TRDN: variants seen among roughly 807,000 people sequenced by gnomAD.
The protein encoded by TRDN is triadin.
In TRDN, 161 loss-of-function variants were observed where a neutral mutation model predicts 149.7. That is an observed-to-expected ratio of 1.08 (90% CI 0.95 to 1.23). The LOEUF is 1.23. TRDN is among the 50% of genes most tolerant of loss of function. The pLI is 0.00. For missense variants in TRDN, 896 were observed against 823.5 expected, an observed-to-expected ratio of 1.09 and a Z score of -1.08; for synonymous variants, 294 against 250.5, an observed-to-expected ratio of 1.17 and a Z score of -1.64.
chr6:123,278,221 A>G, intron 26 of TRDN, 97 bp downstream of exon 26: 1 of 852,358 alleles, frequency 1.2e-6, no homozygotes, highest in Non-Finnish European at 1.6e-6. Flanking sequence ...AAAATTTGAT[A>G]AAATATTTGT....
At chr6:123,511,257 G>C (rs575408218) in intron 7 of TRDN, among the ~76,000 whole-genome samples, 1 of 151,984 alleles carries the variant, frequency 6.6e-6, no homozygotes, top group African/African-American at 2.4e-5. Context: ...TATGTTATTG[G>C]TGCTCAGTAG....
At chr6:123,340,830 C>T (rs1469160022) in intron 21 of TRDN, among the ~76,000 whole-genome samples, 1 of 151,936 alleles carries the variant, frequency 6.6e-6, no homozygotes. Flanking sequence ...ACTTATAACG[C>T]ACATCATCAC....
rs151298233 is a variant in TRDN, at chr6:123,464,239, A to G, written c.931+667T>C. ...AAGTTTAAGAAATGAATGAAGACTT[A>G]AAGAAATGACTTTAACGTTCCAGCA... is the stretch of plus-strand genomic sequence containing the variant. On this transcript the variant is annotated intron_variant, in intron 10 of 40. Coordinates refer to ENST00000334268, the MANE Select transcript of TRDN (RefSeq NM_006073.4). The G allele has an allele frequency of 6.2e-4, 605 of 979,676 alleles. 7 individuals carry two copies. The East Asian group carries it at 0.048, about 77-fold the overall frequency. The allele number at this position is 979,676 out of a possible 1,614,324, so 60.7% of individuals were successfully genotyped here.
chr6:123,270,375 A>G (rs939388795), intron 30 of TRDN, among the ~76,000 whole-genome samples: 1 of 151,932 alleles, frequency 6.6e-6, no homozygotes, highest in Non-Finnish European at 1.5e-5. Context: ...TTTTTCCTCC[A>G]AGAAACTATT....
At chr6:123,256,688 G>C (rs560568215) in intron 35 of TRDN, among the ~76,000 whole-genome samples, 5 of 151,222 alleles carry the variant, frequency 3.3e-5, no homozygotes, top group East Asian at 3.9e-4. Flanking sequence ...TTGTAAGTTT[G>C]TTTAAGTTCC....
intron 22 of TRDN, among the ~76,000 whole-genome samples, chr6:123,335,707 C>A (rs1358900253): frequency 6.6e-6 from 1 of 151,934 alleles, no homozygotes; most frequent in East Asian, 1.9e-4. Context: ...AAGCCCCAAC[C>A]TTTCTTTTGA....
intron 10 of TRDN, among the ~76,000 whole-genome samples, chr6:123,441,507 A>G (rs1270643041): frequency 6.6e-6 from 1 of 152,222 alleles, no homozygotes; most frequent in Non-Finnish European, 1.5e-5. Flanking sequence ...CCCTGAAATG[A>G]TGGCTGTATT....
chr6:123,507,084 TG>T (rs1778962274), intron 7 of TRDN, among the ~76,000 whole-genome samples: 3 of 152,230 alleles, frequency 2.0e-5, no homozygotes, highest in Admixed American at 2.0e-4. Context: ...TCAGATCATA[TG>T]TATAATATAG....
chr6:123,319,731 G>A (rs369434293), intron 23 of TRDN, among the ~76,000 whole-genome samples: 8 of 151,998 alleles, frequency 5.3e-5, no homozygotes, highest in African/African-American at 9.7e-5. Flanking sequence ...TGGGCTACAC[G>A]TACAAGCATT....
rs186179211 is a variant in TRDN, at chr6:123,246,104, T to G, written c.1975+6308A>C. Among the ~76,000 whole-genome samples the G allele has an allele frequency of 1.1e-3, 171 of 152,112 alleles. 2 individuals carry two copies. The highest frequency in any genetic ancestry group is 1.9e-3 in the Non-Finnish European group (132 of 67,972). ...GATAAAGCAGTGTTTAGAGGGAAATTTATAGCACTAAATGCCCACATGAGA... is the reference window on the plus strand; with the variant it reads ...GATAAAGCAGTGTTTAGAGGGAAATGTATAGCACTAAATGCCCACATGAGA... On this transcript the variant is annotated intron_variant, in intron 38 of 40. Coordinates refer to ENST00000334268, the MANE Select transcript of TRDN (RefSeq NM_006073.4).
At chr6:123,464,782 T>C (rs1776688450) in intron 10 of TRDN, 124 bp downstream of exon 10, 2 of 1,480,168 alleles carry the variant, frequency 1.4e-6, no homozygotes, top group South Asian at 2.8e-5. Context: ...AGTTTAGACA[T>C]ACTAAAAGTA....
At chr6:123,499,719 A>AAAAAAAATATATATAT in intron 8 of TRDN, among the ~76,000 whole-genome samples, 1 of 47,680 alleles carries the variant, frequency 2.1e-5, no homozygotes, top group African/African-American at 7.1e-5. Context: ...AAAAAAAAAA[A>AAAAAAAATATATATAT]ATATATATAT....
At chr6:123,433,018 C>A (rs1053089139) in intron 12 of TRDN, among the ~76,000 whole-genome samples, 1 of 151,240 alleles carries the variant, frequency 6.6e-6, no homozygotes, top group Non-Finnish European at 1.5e-5. Flanking sequence ...TATAAAGATT[C>A]CCATATTTAA....
chr6:123,493,931 C>A (rs1281152096), intron 9 of TRDN, among the ~76,000 whole-genome samples: 1 of 152,084 alleles, frequency 6.6e-6, no homozygotes, highest in Non-Finnish European at 1.5e-5. Context: ...AGATAATATT[C>A]CTGAATTTTG....
chr6:123,529,624 G>T (rs556201532), intron 5 of TRDN, among the ~76,000 whole-genome samples: 33 of 152,002 alleles, frequency 2.2e-4, no homozygotes, highest in Non-Finnish European at 3.5e-4. Context: ...TGCAACTGTG[G>T]TATTTACTAC....
chr6:123,531,703 C>T (rs1397286590), intron 4 of TRDN, among the ~76,000 whole-genome samples: 1 of 151,994 alleles, frequency 6.6e-6, no homozygotes, highest in African/African-American at 2.4e-5. Context: ...AACAATTCTC[C>T]AAAATGTAAG....
chr6:123,618,882 T>C (rs1254360528), intron 1 of TRDN, among the ~76,000 whole-genome samples: 1 of 152,206 alleles, frequency 6.6e-6, no homozygotes, highest in Non-Finnish European at 1.5e-5. Flanking sequence ...TTCCTTGTTC[T>C]TTTTTATGAA....
intron 40 of TRDN, among the ~76,000 whole-genome samples, chr6:123,220,074 G>A (rs759920908): frequency 2.0e-5 from 3 of 151,848 alleles, no homozygotes; most frequent in African/African-American, 4.8e-5. Flanking sequence ...CTTGTAAGAC[G>A]AAGATAGCAA....
At chr6:123,446,701 A>G (rs1562318043) in intron 10 of TRDN, among the ~76,000 whole-genome samples, 1 of 151,956 alleles carries the variant, frequency 6.6e-6, no homozygotes. Flanking sequence ...ATCTCCTAGA[A>G]TCTTTTTACT....
Sources: allele counts gnomAD v4.1 joint callset (sites outside exome capture counted in the v4.1 genomes callset), GRCh38; gene constraint gnomAD v4.1.1; transcripts MANE v1.5; gene names NCBI Gene and HGNC (gene_info 2026-07-23, HGNC 2026-07-21).